The following CHST9 variants were observed in gnomAD, a reference collection of about 807,000 sequenced individuals.
CHST9 encodes GalNAc-4-sulfotransferase 2.
A neutral mutation model predicts 44.4 loss-of-function variants in CHST9; 41 were observed. The ratio of observed to expected loss-of-function variants is 0.92; its 90% CI spans 0.72 to 1.20. The LOEUF is 1.20. Among genes scored for constraint, CHST9 ranks in the 50% most tolerant of loss-of-function variants. CHST9 has a pLI of 0.00. For missense variants in CHST9, 504 were observed against 516.5 expected (o/e 0.98, Z 0.23); for synonymous variants, 171 against 178.4 (o/e 0.96, Z 0.33).
intron 3 of CHST9, among the ~76,000 whole-genome samples, chr18:27,027,533 CTTTT>C (rs1389737212): frequency 6.6e-6 from 1 of 152,142 alleles, no homozygotes; most frequent in Non-Finnish European, 1.5e-5. Context: ...TTTATCTTTT[CTTTT>C]AAAATCGCCT....
intron 4 of CHST9, among the ~76,000 whole-genome samples, chr18:27,018,937 A>G (rs751621406): frequency 4.6e-5 from 7 of 152,148 alleles, no homozygotes; most frequent in Non-Finnish European, 1.0e-4. Flanking sequence ...CTTGATTCTA[A>G]CACCATAGCA....
chr18:27,012,689 G>T (rs1375064957), intron 4 of CHST9, among the ~76,000 whole-genome samples: 1 of 152,158 alleles, frequency 6.6e-6, no homozygotes, highest in African/African-American at 2.4e-5. Flanking sequence ...AGTTCAGCAA[G>T]GTAGAACAAG....
intron 2 of CHST9, among the ~76,000 whole-genome samples, chr18:27,128,591 A>G (rs893569596): frequency 1.2e-4 from 19 of 152,164 alleles, no homozygotes; most frequent in African/African-American, 4.1e-4. Flanking sequence ...TGAATCCAGG[A>G]ACAGTAAATT....
chr18:26,973,165 T>C (rs2056574164), intron 4 of CHST9, among the ~76,000 whole-genome samples: 1 of 152,190 alleles, frequency 6.6e-6, no homozygotes, highest in African/African-American at 2.4e-5. Context: ...CTGTATTTCC[T>C]TCATGGTGGT....
intron 3 of CHST9, among the ~76,000 whole-genome samples, chr18:27,032,415 C>T (rs765584305): frequency 2.0e-4 from 31 of 152,202 alleles, no homozygotes; most frequent in Non-Finnish European, 3.4e-4. Flanking sequence ...AAGAGTAATA[C>T]TACTAATAAA....
At chr18:27,171,570 G>A (rs565338818) in intron 1 of CHST9, among the ~76,000 whole-genome samples, 1 of 152,266 alleles carries the variant, frequency 6.6e-6, no homozygotes, top group African/African-American at 2.4e-5. Context: ...AAACTGACTT[G>A]GTGGGGAGCA....
intron 4 of CHST9, among the ~76,000 whole-genome samples, chr18:27,018,101 G>C (rs1388657861): frequency 6.6e-6 from 1 of 152,160 alleles, no homozygotes. Context: ...CCAGCAAGGG[G>C]AGTAGTTACA....
intron 4 of CHST9, among the ~76,000 whole-genome samples, chr18:26,946,236 G>A (rs1453935628): frequency 6.6e-6 from 1 of 152,222 alleles, no homozygotes; most frequent in Non-Finnish European, 1.5e-5. Flanking sequence ...GATCACTGGT[G>A]TTTAAATGTG....
chr18:27,163,587 C>G (rs1381861736), intron 1 of CHST9, among the ~76,000 whole-genome samples: 3 of 152,326 alleles, frequency 2.0e-5, no homozygotes, highest in East Asian at 1.9e-4. Flanking sequence ...ATGAGCGAGG[C>G]TCCGTGGGCG....
chr18:27,001,741 T>G (rs16943152), intron 4 of CHST9, among the ~76,000 whole-genome samples: 10,371 of 152,184 alleles, frequency 0.068, 554 homozygotes, highest in East Asian at 0.27. Context: ...ACTTAGTTAT[T>G]GAGGATCTCA....
At chr18:27,140,785 G>C (rs78685490) in intron 2 of CHST9, among the ~76,000 whole-genome samples, 1 of 152,184 alleles carries the variant, frequency 6.6e-6, no homozygotes, top group Admixed American at 6.5e-5. Context: ...TTTTACTACA[G>C]GTGGTTTCAT....
intron 1 of CHST9, among the ~76,000 whole-genome samples, chr18:27,156,107 C>A (rs866289049): frequency 6.8e-6 from 1 of 146,546 alleles, no homozygotes; most frequent in African/African-American, 2.5e-5. Context: ...TAAACAAGTA[C>A]AAGGAAAGGA....
chr18:27,117,229 C>T (rs2058332930), intron 2 of CHST9, among the ~76,000 whole-genome samples: 1 of 151,920 alleles, frequency 6.6e-6, no homozygotes, highest in South Asian at 2.1e-4. Context: ...CTAAGTGACT[C>T]CTACATTTTT....
chr18:27,159,334 T>C (rs544795273), intron 1 of CHST9, among the ~76,000 whole-genome samples: 162 of 152,236 alleles, frequency 1.1e-3, no homozygotes, highest in Non-Finnish European at 1.8e-3. Flanking sequence ...TGTGGCTAGC[T>C]AGTTTTCCCA....
At chr18:27,033,458 C>T (rs997207555) in intron 3 of CHST9, among the ~76,000 whole-genome samples, 1 of 152,146 alleles carries the variant, frequency 6.6e-6, no homozygotes, top group African/African-American at 2.4e-5. Context: ...GAGACTTGCC[C>T]TTATGTCCAA....
chr18:27,153,546 C>CTTTGTGTG (rs1555628608), intron 1 of CHST9, among the ~76,000 whole-genome samples: 1 of 138,504 alleles, frequency 7.2e-6, no homozygotes, highest in Non-Finnish European at 1.6e-5. Context: ...CTCTCTCTCT[C>CTTTGTGTG]TGTGTGTGTG....
At chr18:27,163,415 G>C (rs1285917946) in intron 1 of CHST9, among the ~76,000 whole-genome samples, 1 of 152,196 alleles carries the variant, frequency 6.6e-6, no homozygotes, top group Non-Finnish European at 1.5e-5. Context: ...CCTAGAGGTG[G>C]AGTCTACAGA....
intron 2 of CHST9, among the ~76,000 whole-genome samples, chr18:27,053,059 G>C (rs899593646): frequency 3.3e-5 from 5 of 149,456 alleles, no homozygotes; most frequent in Non-Finnish European, 5.9e-5. Context: ...TGCATGTTCA[G>C]CACATGTATC....
chr18:26,968,110 G>A (rs145386647), intron 4 of CHST9, among the ~76,000 whole-genome samples: 2,317 of 152,226 alleles, frequency 0.015, 68 homozygotes, highest in African/African-American at 0.053. Flanking sequence ...ACGGCCTATT[G>A]TGGGACTTCA....
Sources: allele counts gnomAD v4.1 joint callset (sites outside exome capture counted in the v4.1 genomes callset), GRCh38; gene constraint gnomAD v4.1.1; transcripts MANE v1.5; gene names NCBI Gene and HGNC (gene_info 2026-07-23, HGNC 2026-07-21).